The following DPP6 variants were observed in gnomAD, a reference collection of about 807,000 sequenced individuals.
The protein encoded by DPP6 is A-type potassium channel modulatory protein DPP6.
Under a neutral mutation model 122.6 loss-of-function variants are expected in DPP6, and 69 were observed. The observed-to-expected ratio is 0.56, with a 90% CI of 0.46 to 0.69. The LOEUF (loss-of-function observed/expected upper bound fraction) is 0.69, where lower values mean the gene tolerates loss of function less well. DPP6 is among the 30% of genes least tolerant of loss of function. The pLI, the probability that DPP6 is intolerant of heterozygous loss-of-function variation, is 0.00. For synonymous variants in DPP6, 418 were observed against 433.1 expected (o/e 0.97, Z 0.43); for missense variants, 928 against 1,116.9 (o/e 0.83, Z 2.41).
chr7:154,816,271 TATTTTG>T (rs1315823814), intron 16 of DPP6, among the ~76,000 whole-genome samples: 4 of 152,096 alleles, frequency 2.6e-5, no homozygotes, highest in Non-Finnish European at 4.4e-5. Context: ...AACAATAAGA[TATTTTG>T]AGAGAGAGAG....
chr7:153,994,145 A>T (rs1384021247), intron 1 of DPP6, among the ~76,000 whole-genome samples: 2 of 151,094 alleles, frequency 1.3e-5, no homozygotes, highest in Non-Finnish European at 3.0e-5. Context: ...CTGTGCCACT[A>T]ACTCCCAATT....
intron 1 of DPP6, among the ~76,000 whole-genome samples, chr7:153,939,599 TTGAA>T (rs1397231473): frequency 6.6e-6 from 1 of 152,254 alleles, no homozygotes; most frequent in Non-Finnish European, 1.5e-5. Context: ...ACTGGTTTCT[TTGAA>T]TGGTTTCATT....
chr7:154,305,183 G>C (rs1033966667), intron 1 of DPP6: 3 of 1,009,762 alleles, frequency 3.0e-6, no homozygotes, highest in South Asian at 4.2e-5. Flanking sequence ...CCTGCACCCA[G>C]CCGCCACTTG....
chr7:154,336,571 A>G (rs986306403), intron 1 of DPP6, among the ~76,000 whole-genome samples: 1 of 152,194 alleles, frequency 6.6e-6, no homozygotes, highest in Admixed American at 6.5e-5. Flanking sequence ...CGTAACGCCC[A>G]CTTCACACCT....
At position 154,872,553 on chromosome 7, in the gene DPP6, C is replaced by A. The variant is rs920849577; in HGVS notation, c.1814-71C>A. ...CAGAGCACCCTCACCCCCACGGTCA[C>A]CCAAGGGCATGCCCGATACCCCGTG... is the stretch of plus-strand genomic sequence containing the variant. On this transcript the variant is annotated intron_variant, in intron 18 of 25. Coordinates refer to ENST00000377770, the MANE Select transcript of DPP6 (RefSeq NM_130797.4). 50 of 1,540,754 alleles carry A rather than the reference C, an allele frequency of 3.2e-5. No homozygotes were observed. The Admixed American group carries it at 9.8e-4, about 30-fold the overall frequency.
At position 154,892,581 on chromosome 7, in the gene DPP6, G is replaced by GCC; in HGVS notation, c.*101_*102insCC. 6.4e-7 allele frequency: 1 copy of GCC among 1,551,502 alleles called. No individual in the cohort carries two copies. Among genetic ancestry groups the GCC allele is most frequent in the South Asian group, 1.2e-5 (1 of 82,002 alleles). ...TTCCCTCGGAGGGGCGGGGCGGGGC[G>GCC]GGGCCGGGTGTTCCATAGCATGTGT... is the stretch of plus-strand genomic sequence containing the variant. On this transcript the variant is annotated 3_prime_UTR_variant, in exon 26 of 26. Transcript: ENST00000377770.
intron 8 of DPP6, among the ~76,000 whole-genome samples, chr7:154,744,101 C>T (rs967337026): frequency 6.6e-5 from 10 of 152,116 alleles, no homozygotes; most frequent in East Asian, 1.9e-4. Context: ...CCTCCCGGTG[C>T]GTCCTGTGTA....
intron 1 of DPP6, among the ~76,000 whole-genome samples, chr7:154,091,570 G>A (rs147046675): frequency 0.02 from 3,059 of 152,074 alleles, 52 homozygotes; most frequent in South Asian, 0.04. Context: ...AAAGTCTCTC[G>A]CGGTATAACA....
chr7:154,363,568 T>C (rs988925304), intron 1 of DPP6, among the ~76,000 whole-genome samples: 17 of 152,186 alleles, frequency 1.1e-4, no homozygotes, highest in African/African-American at 4.1e-4. Context: ...GCTGTCTGTG[T>C]CTGTGGCCCC....
At chr7:154,892,282 C>T in intron 25 of DPP6, 52 bp from the exon 26 acceptor site, 1 of 1,612,376 alleles carries the variant, frequency 6.2e-7, no homozygotes, top group South Asian at 1.1e-5. Flanking sequence ...GCGTTCCCGT[C>T]CCCTGGGGAG....
At chr7:153,944,991 G>A (rs1378259516) in intron 1 of DPP6, among the ~76,000 whole-genome samples, 1 of 152,096 alleles carries the variant, frequency 6.6e-6, no homozygotes, top group Non-Finnish European at 1.5e-5. Context: ...GCTGCTGGGA[G>A]CACCGCTGTG....
intron 4 of DPP6, among the ~76,000 whole-genome samples, chr7:154,561,691 G>A: frequency 6.6e-6 from 1 of 152,008 alleles, no homozygotes; most frequent in East Asian, 1.9e-4. Context: ...AGAATAGTTA[G>A]GAGCAGAAAT....
intron 1 of DPP6, among the ~76,000 whole-genome samples, chr7:154,309,917 G>A (rs376035017): frequency 6.6e-6 from 1 of 151,972 alleles, no homozygotes; most frequent in Non-Finnish European, 1.5e-5. Flanking sequence ...TCTGTGCATG[G>A]TCTAAATTAT....
chr7:154,223,587 A>G (rs1585670728), intron 1 of DPP6, among the ~76,000 whole-genome samples: 1 of 149,416 alleles, frequency 6.7e-6, no homozygotes, highest in East Asian at 2.0e-4. Flanking sequence ...AATCCGAAGG[A>G]TGAGTAGAAG....
chr7:154,673,935 T>A (rs567056221), intron 7 of DPP6, among the ~76,000 whole-genome samples: 1 of 151,962 alleles, frequency 6.6e-6, no homozygotes, highest in Non-Finnish European at 1.5e-5. Context: ...GGAGTGAATG[T>A]TGCGATCTCT....
intron 1 of DPP6, among the ~76,000 whole-genome samples, chr7:153,937,753 T>G (rs1801524120): frequency 6.6e-6 from 1 of 152,130 alleles, no homozygotes; most frequent in Non-Finnish European, 1.5e-5. Flanking sequence ...AGCCCAGAGC[T>G]ACCTTTGATG....
At chr7:153,802,803 T>C in the DPP6 span, among the ~76,000 whole-genome samples, 1 of 152,158 alleles carries the variant, frequency 6.6e-6, no homozygotes, top group Non-Finnish European at 1.5e-5. Flanking sequence ...AAGAAGCATG[T>C]TTAATGTGTC....
chr7:153,871,466 T>A, the DPP6 span, among the ~76,000 whole-genome samples: 1 of 152,188 alleles, frequency 6.6e-6, no homozygotes, highest in South Asian at 2.1e-4. Context: ...CGGGATATAA[T>A]CTCCTGGTGT....
chr7:154,335,291 A>G (rs1180338172), intron 1 of DPP6, among the ~76,000 whole-genome samples: 2 of 152,164 alleles, frequency 1.3e-5, no homozygotes, highest in African/African-American at 4.8e-5. Context: ...CACATCAAGT[A>G]AGAGTATTTC....
Sources: allele counts gnomAD v4.1 joint callset (sites outside exome capture counted in the v4.1 genomes callset), GRCh38; gene constraint gnomAD v4.1.1; transcripts MANE v1.5; gene names NCBI Gene and HGNC (gene_info 2026-07-23, HGNC 2026-07-21).